Variants in B4GALT1 observed in about 807,000 individuals in gnomAD.
B4GALT1 encodes the protein N-acetyllactosamine synthase.
A neutral mutation model predicts 34.9 loss-of-function variants in B4GALT1; 16 were observed. The observed-to-expected ratio is 0.46, with a 90% CI of 0.31 to 0.70. The LOEUF (loss-of-function observed/expected upper bound fraction) is 0.70. Ranked by LOEUF, B4GALT1 falls within the 30% of genes least tolerant of loss-of-function variation. B4GALT1 has a pLI of 0.05. For missense variants in B4GALT1, 445 were observed against 530.5 expected (o/e 0.84, Z 1.58); for synonymous variants, 221 against 218.1 (o/e 1.01, Z -0.12).
At chr9:33,107,684 T>C (rs1302255012), downstream of B4GALT1, among the ~76,000 whole-genome samples, 2 of 152,180 alleles carry the variant, frequency 1.3e-5, no homozygotes, top group African/African-American at 4.8e-5. Context: ...CTGGGTCCTG[T>C]ATGAGACTAG....
chr9:33,135,098 C>A, intron 2 of B4GALT1, 91 bp downstream of exon 2: 1 of 1,318,602 alleles, frequency 7.6e-7, no homozygotes, highest in Non-Finnish European at 1.1e-6. Context: ...TCTGTGAAAT[C>A]ACTCCCCTTC....
intron 1 of B4GALT1, among the ~76,000 whole-genome samples, chr9:33,161,523 G>C (rs1840675399): frequency 6.6e-6 from 1 of 152,170 alleles, no homozygotes; most frequent in African/African-American, 2.4e-5. Context: ...CCCCTACCAA[G>C]TTTAGGGACA....
At chr9:33,158,790 AGT>A (rs1840634129) in intron 1 of B4GALT1, among the ~76,000 whole-genome samples, 1 of 152,192 alleles carries the variant, frequency 6.6e-6, no homozygotes, top group African/African-American at 2.4e-5. Flanking sequence ...ATATTGCCAG[AGT>A]CTATCTACTA....
intron 1 of B4GALT1, among the ~76,000 whole-genome samples, chr9:33,140,826 C>T (rs918322129): frequency 1.3e-5 from 2 of 152,272 alleles, no homozygotes; most frequent in Admixed American, 6.5e-5. Context: ...CCAAATTCCC[C>T]AGCTTGAGAA....
intron 3 of B4GALT1, among the ~76,000 whole-genome samples, chr9:33,118,368 T>C (rs1839970411): frequency 6.6e-6 from 1 of 152,126 alleles, no homozygotes; most frequent in South Asian, 2.1e-4. Context: ...GACAGAAAGC[T>C]GTTGCATCTC....
intron 2 of B4GALT1, among the ~76,000 whole-genome samples, chr9:33,132,259 T>C (rs1250441877): frequency 6.6e-5 from 10 of 152,120 alleles, no homozygotes; most frequent in Non-Finnish European, 1.3e-4. Context: ...GGGCAGTTCC[T>C]AGTGTTCCAG....
chr9:33,163,892 C>T (rs961394566), intron 1 of B4GALT1, among the ~76,000 whole-genome samples: 5 of 152,178 alleles, frequency 3.3e-5, no homozygotes, highest in Non-Finnish European at 5.9e-5. Flanking sequence ...GCCCCCCTTC[C>T]CACTGCATCA....
At chr9:33,181,922 T>G in the B4GALT1 span, among the ~76,000 whole-genome samples, 1 of 151,464 alleles carries the variant, frequency 6.6e-6, no homozygotes, top group African/African-American at 2.4e-5. Context: ...AATATCAAGG[T>G]GTCAGCAGGG....
At chr9:33,171,671 C>G (rs1840842250), upstream of B4GALT1, among the ~76,000 whole-genome samples, 1 of 152,156 alleles carries the variant, frequency 6.6e-6, no homozygotes, top group Admixed American at 6.5e-5. Flanking sequence ...TCTCCTGCCT[C>G]AGCCTCCCGA....
At chr9:33,151,348 A>G (rs1431283181) in intron 1 of B4GALT1, among the ~76,000 whole-genome samples, 1 of 152,228 alleles carries the variant, frequency 6.6e-6, no homozygotes, top group African/African-American at 2.4e-5. Flanking sequence ...CTGCCCCTCT[A>G]ATCAGTTTTG....
chr9:33,184,253 T>TAG, the B4GALT1 span, among the ~76,000 whole-genome samples: 85 of 147,232 alleles, frequency 5.8e-4, no homozygotes, highest in East Asian at 6.0e-3. Flanking sequence ...GTCACTCTTG[T>TAG]ACACACACAC....
At chr9:33,120,670 G>A (rs1840009002) in intron 2 of B4GALT1, 64 bp from the exon 3 acceptor site, 1 of 1,552,246 alleles carries the variant, frequency 6.4e-7, no homozygotes, top group African/African-American at 1.4e-5. Flanking sequence ...ACACTCACAG[G>A]GACTGGTGAC....
intron 1 of B4GALT1, among the ~76,000 whole-genome samples, chr9:33,143,985 G>A (rs917782566): frequency 1.3e-5 from 2 of 151,314 alleles, no homozygotes; most frequent in Non-Finnish European, 2.9e-5. Context: ...CGATCCTCCT[G>A]GGCTGTGGTC....
chr9:33,122,773 T>C (rs933236656), intron 2 of B4GALT1, among the ~76,000 whole-genome samples: 1 of 152,186 alleles, frequency 6.6e-6, no homozygotes, highest in African/African-American at 2.4e-5. Context: ...CACACTGTGT[T>C]TTTTGGCTGT....
At chr9:33,131,420 T>A (rs766792803) in intron 2 of B4GALT1, among the ~76,000 whole-genome samples, 1 of 152,224 alleles carries the variant, frequency 6.6e-6, no homozygotes, top group Non-Finnish European at 1.5e-5. Context: ...TCAAGTAGAA[T>A]GAAACCCTTG....
chr9:33,126,972 G>C (rs1840120612), intron 2 of B4GALT1, among the ~76,000 whole-genome samples: 1 of 146,068 alleles, frequency 6.8e-6, no homozygotes. Flanking sequence ...TTGTTTGTTT[G>C]TTTTTTTAAA....
chr9:33,134,027 A>T (rs754954947), intron 2 of B4GALT1, among the ~76,000 whole-genome samples: 16 of 152,164 alleles, frequency 1.1e-4, no homozygotes, highest in Non-Finnish European at 2.2e-4. Flanking sequence ...GCCACCATCC[A>T]ATCACAGGAT....
intron 1 of B4GALT1, among the ~76,000 whole-genome samples, chr9:33,155,653 C>T (rs1308409674): frequency 6.6e-6 from 1 of 152,180 alleles, no homozygotes; most frequent in Admixed American, 6.5e-5. Context: ...TCGCTTTGGG[C>T]TATATTCTGT....
intron 1 of B4GALT1, among the ~76,000 whole-genome samples, chr9:33,166,264 C>T (rs185626795): frequency 9.6e-4 from 146 of 152,260 alleles, no homozygotes; most frequent in African/African-American, 3.4e-3. Context: ...GTCACTTGGC[C>T]CAAACGATCA....
Sources: allele counts gnomAD v4.1 joint callset (sites outside exome capture counted in the v4.1 genomes callset), GRCh38; gene constraint gnomAD v4.1.1; transcripts MANE v1.5; gene names NCBI Gene and HGNC (gene_info 2026-07-23, HGNC 2026-07-21).